Variants in XPOT observed in about 807,000 individuals in gnomAD.
XPOT encodes exportin-T.
In XPOT, 34 loss-of-function variants were observed where a neutral mutation model predicts 128.2. The ratio of observed to expected loss-of-function variants is 0.27; its 90% CI spans 0.20 to 0.35. XPOT has a LOEUF of 0.35. XPOT is among the 10% of genes least tolerant of loss of function. The pLI, the probability that XPOT is intolerant of heterozygous loss-of-function variation, is 1.00. For synonymous variants in XPOT, 348 were observed against 394.3 expected (o/e 0.88, Z 1.39); for missense variants, 838 against 1,125.3 (o/e 0.74, Z 3.65).
chr12:64,405,085 G>A (rs1457645576), intron 1 of XPOT: 1 of 152,270 alleles, frequency 6.6e-6, no homozygotes, highest in Non-Finnish European at 1.5e-5. Context: ...GGAGGGATCG[G>A]GGGAGGGATG....
At position 64,430,167 on chromosome 12, in the gene XPOT, A is replaced by G. The variant is rs377599101; in HGVS notation, c.1856A>G (p.Asn619Ser). ...GAAAGGAAACAAGCCTTAATGAGGA[A>G]TCTGTTGACTCCACTAATGGAGAAG... The part of the protein sequence containing the change: ...PAERKQALMR[N>S]LLTPLMEKFK... Residue 619 changes from asparagine to serine, a missense_variant, in exon 17 of 25, where the codon AAT (asparagine) becomes AGT (serine). Physicochemically the swap from Asn to Ser is conservative, Grantham distance 46. Coordinates refer to ENST00000332707, the MANE Select transcript of XPOT (RefSeq NM_007235.6). The G allele has an allele frequency of 6.2e-7, 1 of 1,613,976 alleles. No individual in the cohort carries two copies. The highest frequency in any genetic ancestry group is 8.5e-7 in the Non-Finnish European group (1 of 1,179,934).
At chr12:64,441,279 T>C (rs960582850) in intron 23 of XPOT, among the ~76,000 whole-genome samples, 1 of 152,232 alleles carries the variant, frequency 6.6e-6, no homozygotes, top group Non-Finnish European at 1.5e-5. Flanking sequence ...TTGGTTTATA[T>C]GTCTGTCTTA....
Position 64,414,948 on chromosome 12 carries a change from C to T in XPOT, c.102C>T (p.Ala34=), listed in dbSNP as rs1412579008. ...YFEQLKISPD[A]WQVCAEALAQ... is the part of the protein sequence containing the mutation. Reference sequence around the variant, plus strand: ...AGCAGTTAAAAATTTCCCCAGATGCCTGGCAGGTGTGTGCAGAAGCTCTAG... The same window carrying T: ...AGCAGTTAAAAATTTCCCCAGATGCTTGGCAGGTGTGTGCAGAAGCTCTAG... Residue 34 remains alanine, a synonymous_variant, in exon 3 of 25, where the codon GCC becomes GCT. Transcript: ENST00000332707. The T allele has an allele frequency of 9.9e-6, 16 of 1,613,574 alleles. No homozygotes were observed. Among genetic ancestry groups the T allele is most frequent in the Admixed American group, 1.7e-5 (1 of 60,000 alleles).
chr12:64,422,968 T>C, intron 9 of XPOT, 37 bp from the exon 10 acceptor site: 1 of 1,601,026 alleles, frequency 6.2e-7, no homozygotes. Context: ...GGTATAACTT[T>C]AGAAAACCTA....
intron 15 of XPOT, among the ~76,000 whole-genome samples, chr12:64,427,410 C>T (rs1408736269): frequency 3.9e-5 from 6 of 152,028 alleles, no homozygotes; most frequent in African/African-American, 1.2e-4. Flanking sequence ...CATGAGCCAC[C>T]GCGCCCAGCC....
chr12:64,414,593 A>G (rs565552882), intron 2 of XPOT, among the ~76,000 whole-genome samples: 1 of 152,206 alleles, frequency 6.6e-6, no homozygotes, highest in East Asian at 1.9e-4. Context: ...TCTCAGTAGT[A>G]TGGCACTTGA....
At chr12:64,434,254 A>G (rs1303211854) in intron 19 of XPOT, among the ~76,000 whole-genome samples, 1 of 152,158 alleles carries the variant, frequency 6.6e-6, no homozygotes, top group Non-Finnish European at 1.5e-5. Context: ...CCTCGGCCTT[A>G]CAAAGGGCTG....
At position 64,410,098 on chromosome 12, in the gene XPOT, A is replaced by G. The variant is rs760454818; in HGVS notation, c.60+3A>G. 5.6e-6 allele frequency: 9 copies of G among 1,613,392 alleles called. No individual in the cohort carries two copies. Among genetic ancestry groups the G allele is most frequent in the Middle Eastern group, 1.6e-4 (1 of 6,084 alleles). ...CTGATTCAGACTTTAGACAAAGGGT[A>G]AGTTACTCTGCTGAATCATTTTTTA... is the stretch of plus-strand genomic sequence containing the variant. On this transcript the variant is annotated splice_donor_region_variant and intron_variant, in intron 2 of 24. Transcript: ENST00000332707.
chr12:64,448,151 C>T lies in XPOT; in HGVS notation c.*20C>T, dbSNP rs756851639. 2.5e-6 allele frequency: 4 copies of T among 1,613,116 alleles called. No individual in the cohort carries two copies. On this transcript the variant is annotated 3_prime_UTR_variant, in exon 25 of 25. Transcript: ENST00000332707. Reference sequence around the variant, plus strand: ...CCCTGAGGACTGGATTTCCCTGTGCCTACTTCATGATCATGAATTCCAGTT... The same window carrying T: ...CCCTGAGGACTGGATTTCCCTGTGCTTACTTCATGATCATGAATTCCAGTT...
intron 23 of XPOT, 53 bp from the exon 24 acceptor site, chr12:64,445,022 G>T: frequency 1.4e-6 from 2 of 1,433,198 alleles, no homozygotes; most frequent in East Asian, 2.3e-5. Flanking sequence ...AATTACAATG[G>T]ATTTAATACA....
chr12:64,419,552 G>A (rs956046073), intron 6 of XPOT, among the ~76,000 whole-genome samples: 1 of 152,116 alleles, frequency 6.6e-6, no homozygotes, highest in African/African-American at 2.4e-5. Context: ...CAGGTGATCC[G>A]CCCGCCTTGC....
At chr12:64,442,644 G>C (rs570670644) in intron 23 of XPOT, 1 of 152,520 alleles carries the variant, frequency 6.6e-6, no homozygotes, top group African/African-American at 2.4e-5. Flanking sequence ...AATGAGCTGG[G>C]TGAGAGAGCT....
Position 64,434,796 on chromosome 12 carries a change from G to A in XPOT, c.2572G>A (p.Gly858Ser). The change falls in exon 21 of 25, where the codon GGT becomes AGT. Residue 858 changes from glycine (G) to serine (S), a missense_variant and splice_region_variant. Physicochemically the swap from Gly to Ser is moderately conservative, Grantham distance 56 (BLOSUM62 0). This residue lies in a region of XPOT where 21 missense variants were observed against 57.8 expected (regional missense o/e 0.36). Coordinates refer to ENST00000332707, the MANE Select transcript of XPOT (RefSeq NM_007235.6). ...GAAAATTTGAATTCTCTTGACAGGA[G>A]GTAAAGATGGACCAGTGGGATTTGC... ...ILSKLVELWGGKDGPVGFADF... is the reference protein window; with the variant it reads ...ILSKLVELWGSKDGPVGFADF... 4 of 1,611,268 alleles carry A rather than the reference G, an allele frequency of 2.5e-6. No homozygotes were observed. In the South Asian group the frequency reaches 4.4e-5, roughly 18 times the overall value.
Position 64,449,306 on chromosome 12 carries a change from A to G in XPOT, c.*1175A>G, listed in dbSNP as rs568276429. 2 of 152,282 alleles carry G rather than the reference A, an allele frequency of 1.3e-5. No homozygotes were observed. The highest frequency in any genetic ancestry group is 4.8e-5 in the African/African-American group (2 of 41,552). 9.4% of individuals were successfully genotyped at this position (152,282 alleles called of 1,614,324 possible). A position where few individuals can be genotyped will look rare whatever the true frequency, so the allele number is the denominator to read the frequency against. ...ACCTATGTGTTTATTATGTTTGTAA[A>G]TGGTAACTGACATTTAATTATTAGA... On this transcript the variant is annotated 3_prime_UTR_variant, in exon 25 of 25. Transcript: ENST00000332707.
At position 64,448,218 on chromosome 12, in the gene XPOT, C is replaced by G; in HGVS notation, c.*87C>G. ...ATTTTTGTGTGCCATTCACACTGGT[C>G]TTTTTCACATTGTTTTGAGCTTATT... On this transcript the variant is annotated 3_prime_UTR_variant, in exon 25 of 25. Transcript: ENST00000332707. The G allele has an allele frequency of 7.8e-7, 1 of 1,281,880 alleles. No homozygotes were observed. Among genetic ancestry groups the G allele is most frequent in the Non-Finnish European group, 1.1e-6 (1 of 879,296 alleles). 79.4% of individuals were successfully genotyped at this position (1,281,880 alleles called of 1,614,324 possible).
Position 64,450,218 on chromosome 12 carries a change from A to G in XPOT, c.*2087A>G, listed in dbSNP as rs2136045565. ...TCACCCAGGCTGGAGTGCAGTGGTG[A>G]CATCATAGCTCACTGTAACTTCTCC... On this transcript the variant is annotated 3_prime_UTR_variant, in exon 25 of 25. Coordinates refer to ENST00000332707, the MANE Select transcript of XPOT (RefSeq NM_007235.6). 1 of 150,560 alleles carries G rather than the reference A, an allele frequency of 6.6e-6. No individual in the cohort carries two copies. The highest frequency in any genetic ancestry group is 2.0e-4 in the East Asian group (1 of 5,104). 9.3% of individuals were successfully genotyped at this position (150,560 alleles called of 1,614,324 possible). A position where few individuals can be genotyped will look rare whatever the true frequency, so the allele number is the denominator to read the frequency against.
chr12:64,434,148 C>T (rs1172621744), intron 19 of XPOT, among the ~76,000 whole-genome samples: 1 of 152,108 alleles, frequency 6.6e-6, no homozygotes, highest in African/African-American at 2.4e-5. Context: ...TAGCCAGGAC[C>T]ATTGGCAGTT....
chr12:64,427,529 G>C (rs942061141), intron 15 of XPOT, among the ~76,000 whole-genome samples: 19 of 152,060 alleles, frequency 1.2e-4, no homozygotes, highest in Non-Finnish European at 1.8e-4. Context: ...GGGGTCTCAT[G>C]CTGTCGCCTA....
At chr12:64,432,147 A>G (rs545465858) in intron 18 of XPOT, among the ~76,000 whole-genome samples, 6 of 152,356 alleles carry the variant, frequency 3.9e-5, no homozygotes, top group African/African-American at 1.4e-4. Context: ...CCCAAGCAAG[A>G]GTTAAAAGTA....
Sources: allele counts gnomAD v4.1 joint callset (sites outside exome capture counted in the v4.1 genomes callset), GRCh38; gene constraint gnomAD v4.1.1; regional missense constraint gnomAD v4.1.1; transcripts MANE v1.5; gene names NCBI Gene and HGNC (gene_info 2026-07-23, HGNC 2026-07-21).